B3GALNT2: variants seen among roughly 807,000 people sequenced by gnomAD.
B3GALNT2 encodes the protein beta-1,3-N-acetylgalactosaminyltransferase 2, also known as UDP-GalNAc:beta-1,3-N-acetylgalactosaminyltransferase 2.
B3GALNT2 carries 53 observed loss-of-function variants against 61.1 expected under a neutral mutation model. That is an observed-to-expected ratio of 0.87 (90% CI 0.70 to 1.09). The LOEUF (loss-of-function observed/expected upper bound fraction) is 1.09. Among genes scored for constraint, B3GALNT2 ranks in the 50% least tolerant of loss-of-function variants. The pLI is 0.00. For synonymous variants in B3GALNT2, 223 were observed against 237.4 expected (o/e 0.94, Z 0.56); for missense variants, 544 against 623.0 (o/e 0.87, Z 1.35).
intron 4 of B3GALNT2, among the ~76,000 whole-genome samples, chr1:235,481,302 A>T (rs1684555059): frequency 6.6e-6 from 1 of 152,222 alleles, no homozygotes; most frequent in Non-Finnish European, 1.5e-5. Context: ...AAAATATTGT[A>T]TGTCTGAACC....
chr1:235,483,815 T>C (rs1168558769), intron 4 of B3GALNT2, among the ~76,000 whole-genome samples: 3 of 152,206 alleles, frequency 2.0e-5, no homozygotes, highest in Admixed American at 6.5e-5. Context: ...CTACTTCACA[T>C]GCACTCTGTG....
chr1:235,495,900 T>C (rs895882600), intron 1 of B3GALNT2, among the ~76,000 whole-genome samples: 1 of 152,228 alleles, frequency 6.6e-6, no homozygotes, highest in Non-Finnish European at 1.5e-5. Context: ...TGATATTTTC[T>C]TCAAAGGCCC....
At chr1:235,468,587 G>A (rs1683835705) in intron 6 of B3GALNT2, among the ~76,000 whole-genome samples, 1 of 151,456 alleles carries the variant, frequency 6.6e-6, no homozygotes, top group Non-Finnish European at 1.5e-5. Flanking sequence ...CGAGTAGCTG[G>A]GACTACAGGC....
chr1:235,467,260 T>C (rs2102807265), intron 6 of B3GALNT2, among the ~76,000 whole-genome samples: 1 of 151,828 alleles, frequency 6.6e-6, no homozygotes, highest in African/African-American at 2.4e-5. Flanking sequence ...GAGGCAGGAG[T>C]ATCACTTGAA....
chr1:235,496,234 C>G (rs1685313284), intron 1 of B3GALNT2: 1 of 254,656 alleles, frequency 3.9e-6, no homozygotes, highest in Non-Finnish European at 7.6e-6. Flanking sequence ...TCTCTTGAAC[C>G]CGGGAGGTGG....
At chr1:235,445,019 G>T (rs936899829), downstream of B3GALNT2, among the ~76,000 whole-genome samples, 2 of 152,218 alleles carry the variant, frequency 1.3e-5, no homozygotes, top group Non-Finnish European at 2.9e-5. Flanking sequence ...CTGAGATTCA[G>T]TTAGCCATTT....
At chr1:235,463,323 A>G (rs1683518022) in intron 7 of B3GALNT2, 1 of 152,154 alleles carries the variant, frequency 6.6e-6, no homozygotes, top group South Asian at 2.1e-4. Flanking sequence ...AATCACCGCT[A>G]AAGAACTTAT....
intron 5 of B3GALNT2, among the ~76,000 whole-genome samples, chr1:235,478,356 C>T (rs1043872295): frequency 2.6e-5 from 4 of 152,098 alleles, no homozygotes; most frequent in Non-Finnish European, 5.9e-5. Flanking sequence ...CGACCTGAAC[C>T]ACCATTCCTG....
intron 5 of B3GALNT2, 65 bp from the exon 6 acceptor site, chr1:235,471,025 T>G: frequency 6.4e-7 from 1 of 1,564,900 alleles, no homozygotes; most frequent in Non-Finnish European, 8.7e-7. Flanking sequence ...TTAAGTATGC[T>G]TTCAGGCAAG....
downstream of B3GALNT2, among the ~76,000 whole-genome samples, chr1:235,443,679 T>G (rs1682054818): frequency 6.6e-6 from 1 of 152,132 alleles, no homozygotes; most frequent in Admixed American, 6.6e-5. Flanking sequence ...TACGGGAGGT[T>G]TGTGACTTTG....
At chr1:235,499,044 G>C (rs1685466582) in intron 1 of B3GALNT2, among the ~76,000 whole-genome samples, 1 of 151,980 alleles carries the variant, frequency 6.6e-6, no homozygotes, top group Non-Finnish European at 1.5e-5. Context: ...ATTAATCATA[G>C]TGTCACCTAT....
At chr1:235,485,038 T>C (rs1434868177) in intron 3 of B3GALNT2, among the ~76,000 whole-genome samples, 1 of 152,264 alleles carries the variant, frequency 6.6e-6, no homozygotes, top group Non-Finnish European at 1.5e-5. Flanking sequence ...AAACTCTTGC[T>C]GTACAGCACT....
chr1:235,491,643 C>T (rs925325325), intron 2 of B3GALNT2, among the ~76,000 whole-genome samples: 5 of 152,122 alleles, frequency 3.3e-5, no homozygotes, highest in African/African-American at 1.2e-4. Context: ...GCCTCCTCCT[C>T]CATTTTCTAC....
intron 5 of B3GALNT2, among the ~76,000 whole-genome samples, chr1:235,477,335 T>C (rs1433568402): frequency 6.6e-6 from 1 of 152,194 alleles, no homozygotes; most frequent in African/African-American, 2.4e-5. Context: ...CACTTAAAAA[T>C]ACAGATATCA....
At chr1:235,452,828 A>C (rs1247806036) in intron 11 of B3GALNT2, among the ~76,000 whole-genome samples, 1 of 152,224 alleles carries the variant, frequency 6.6e-6, no homozygotes, top group Admixed American at 6.5e-5. Context: ...TGTTGGGATT[A>C]CAGGCATGTG....
chr1:235,500,441 C>T (rs1471300501), intron 1 of B3GALNT2, among the ~76,000 whole-genome samples: 1 of 152,176 alleles, frequency 6.6e-6, no homozygotes, highest in African/African-American at 2.4e-5. Flanking sequence ...GATGGTGCCA[C>T]TGCACTCCAG....
chr1:235,494,895 A>G (rs1159445729), intron 1 of B3GALNT2, 67 bp from the exon 2 acceptor site: 6 of 1,357,636 alleles, frequency 4.4e-6, no homozygotes, highest in South Asian at 2.9e-5. Context: ...AATATGTATC[A>G]TAAGTTTATT....
chr1:235,485,835 G>T (rs905019613), intron 3 of B3GALNT2, among the ~76,000 whole-genome samples: 7 of 152,170 alleles, frequency 4.6e-5, no homozygotes, highest in African/African-American at 9.7e-5. Context: ...ATATTGTGGT[G>T]AGTCTATATA....
chr1:235,482,858 A>G (rs1016046748), intron 4 of B3GALNT2, among the ~76,000 whole-genome samples: 18 of 152,096 alleles, frequency 1.2e-4, no homozygotes, highest in African/African-American at 4.1e-4. Flanking sequence ...CCCAAACCAA[A>G]AAACCCCCCA....
Sources: gnomAD v4.1 joint callset for allele counts (sites outside exome capture counted in the v4.1 genomes callset) on GRCh38, gnomAD v4.1.1 for gene constraint, MANE v1.5 for transcripts, NCBI Gene and HGNC (gene_info 2026-07-23, HGNC 2026-07-21) for gene names.